Variants in GNPNAT1 observed in about 807,000 individuals in gnomAD.
The protein encoded by GNPNAT1 is glucosamine 6-phosphate N-acetyltransferase.
In GNPNAT1, 11 loss-of-function variants were observed where a neutral mutation model predicts 19.8. The ratio of observed to expected loss-of-function variants is 0.56; its 90% CI spans 0.35 to 0.92. The LOEUF is 0.92. GNPNAT1 is among the 40% of genes least tolerant of loss of function. The probability of loss-of-function intolerance (pLI) is 0.01; values close to 1 mark genes in which losing one functional copy is unlikely to be tolerated. For missense variants in GNPNAT1, 157 were observed against 211.0 expected, an observed-to-expected ratio of 0.74 and a Z score of 1.59; for synonymous variants, 71 against 72.3, an observed-to-expected ratio of 0.98 and a Z score of 0.09.
rs753211147 is a variant in GNPNAT1 at position 52,778,438 on chromosome 14, A to G, written c.428T>C (p.Leu143Ser). 1.2e-6 allele frequency: 2 copies of G among 1,607,694 alleles called. No individual in the cohort carries two copies. Among genetic ancestry groups the G allele is most frequent in the Admixed American group, 1.7e-5 (1 of 58,000 alleles). Residue 143 changes from leucine (L) to serine (S), a missense_variant, in exon 6 of 6, where the codon TTG becomes TCG. Coordinates refer to ENST00000216410, the MANE Select transcript of GNPNAT1 (RefSeq NM_198066.4). ...LGKLLLSTLT[L>S]LSKKLNCYKI... is the part of the protein sequence containing the mutation. ...GTAACAGTTCAGTTTCTTGCTTAGCAAAGTAAGGGTTGATAATAACCTGAA... is the reference window on the plus strand; with the variant it reads ...GTAACAGTTCAGTTTCTTGCTTAGCGAAGTAAGGGTTGATAATAACCTGAA...
intron 5 of GNPNAT1, among the ~76,000 whole-genome samples, chr14:52,779,724 T>TA (rs35906707): frequency 0.55 from 20,924 of 38,172 alleles, 8,065 homozygotes; most frequent in Middle Eastern, 0.84. Flanking sequence ...TCCCATCTCT[T>TA]AAAAAAAAAA....
intron 5 of GNPNAT1, among the ~76,000 whole-genome samples, chr14:52,779,638 T>C (rs780793858): frequency 1.2e-3 from 166 of 142,964 alleles, no homozygotes; most frequent in Non-Finnish European, 2.1e-3. Flanking sequence ...GAGGCTCACT[T>C]GAGCCCCAGA....
intron 1 of GNPNAT1, among the ~76,000 whole-genome samples, chr14:52,786,817 T>A (rs1027133545): frequency 6.7e-6 from 1 of 149,790 alleles, no homozygotes; most frequent in African/African-American, 2.4e-5. Context: ...GAGTATTCCT[T>A]ATCCAAAATG....
intron 2 of GNPNAT1, 149 bp downstream of exon 2, chr14:52,784,348 A>G: frequency 2.0e-6 from 1 of 491,478 alleles, no homozygotes; most frequent in Non-Finnish European, 3.4e-6. Context: ...ACACACACTC[A>G]TTGGTATTGA....
chr14:52,784,438 TA>T, intron 2 of GNPNAT1, 58 bp downstream of exon 2: 2 of 1,333,864 alleles, frequency 1.5e-6, no homozygotes, highest in Admixed American at 2.7e-5. Context: ...ATCTGCATCA[TA>T]ATGTTTAGAG....
rs757524061 is a variant in GNPNAT1, at chr14:52,778,455, T to G, written c.411A>C (p.Leu137Phe). ...ECRGKQLGKL[L>F]LSTLTLLSKK... is the part of the protein sequence containing the mutation. ...TGCTTAGCAAAGTAAGGGTTGATAA[T>G]AACCTGAAATTTAAAAAGGGGGTAG... Residue 137 changes from leucine to phenylalanine, a missense_variant, in exon 6 of 6, where the codon TTA (leucine) becomes TTC (phenylalanine). By Grantham distance (22) the Leu-to-Phe change is conservative. Transcript: ENST00000216410. 6.2e-7 allele frequency: 1 copy of G among 1,603,214 alleles called. No individual in the cohort carries two copies. The highest frequency in any genetic ancestry group is 1.8e-5 in the Admixed American group (1 of 56,576).
intron 1 of GNPNAT1, among the ~76,000 whole-genome samples, chr14:52,789,127 G>A (rs1250147361): frequency 6.6e-6 from 1 of 152,146 alleles, no homozygotes; most frequent in Admixed American, 6.6e-5. Context: ...GAGGCAACAG[G>A]GCCAGCTTCA....
intron 5 of GNPNAT1, among the ~76,000 whole-genome samples, chr14:52,779,746 A>AC (rs896327768): frequency 3.3e-5 from 5 of 151,090 alleles, no homozygotes; most frequent in Admixed American, 6.6e-5. Context: ...AAAAAAAAAA[A>AC]AAAACATAAA....
At chr14:52,779,632 C>T (rs1486576180) in intron 5 of GNPNAT1, among the ~76,000 whole-genome samples, 1 of 144,508 alleles carries the variant, frequency 6.9e-6, no homozygotes, top group Non-Finnish European at 1.5e-5. Context: ...AGGCGAGAGG[C>T]TCACTTGAGC....
At position 52,784,200 on chromosome 14, in the gene GNPNAT1, A is replaced by G. The variant is rs376007777; in HGVS notation, c.154+297T>C. Among the ~76,000 whole-genome samples, 11 of 152,354 alleles carry G rather than the reference A, an allele frequency of 7.2e-5. No homozygotes were observed. In the East Asian group the frequency reaches 2.1e-3, roughly 29 times the overall value. Reference sequence around the variant, plus strand: ...ACCTTCATTCCCCAACCAGCTTCTTAAGATCCCTCCTTATGTGTCATCATA... The same window carrying G: ...ACCTTCATTCCCCAACCAGCTTCTTGAGATCCCTCCTTATGTGTCATCATA... On this transcript the variant is annotated intron_variant, in intron 2 of 5. Transcript: ENST00000216410.
Position 52,783,443 on chromosome 14 carries a change from A to T in GNPNAT1, c.197T>A (p.Val66Asp), listed in dbSNP as rs1403559042. ...VLGQLTETGV[V>D]SPEQFMKSFE... ...CTTACTCATAAATTGTTCAGGGCTG[A>T]CAACTCCAGTCTCTGTTAGCTGACC... The change falls in exon 3 of 6, where the codon GTC becomes GAC. Residue 66 changes from valine to aspartate, a missense_variant. Coordinates refer to ENST00000216410, the MANE Select transcript of GNPNAT1 (RefSeq NM_198066.4). 1.2e-6 allele frequency: 2 copies of T among 1,610,396 alleles called. No homozygotes were observed. The highest frequency in any genetic ancestry group is 2.2e-5 in the South Asian group (2 of 90,886).
intron 1 of GNPNAT1, among the ~76,000 whole-genome samples, chr14:52,788,063 TG>T (rs1883064427): frequency 6.6e-6 from 1 of 152,134 alleles, no homozygotes; most frequent in Non-Finnish European, 1.5e-5. Context: ...GAAATTGTGA[TG>T]ATCAAGCAGT....
intron 3 of GNPNAT1, 144 bp downstream of exon 3, chr14:52,783,279 T>A (rs1882936212): frequency 3.5e-6 from 2 of 567,202 alleles, no homozygotes; most frequent in Admixed American, 7.2e-5. Flanking sequence ...TCAGCCACAT[T>A]AAACATTTGT....
At chr14:52,785,909 A>T (rs1164960257) in intron 1 of GNPNAT1, among the ~76,000 whole-genome samples, 1 of 150,588 alleles carries the variant, frequency 6.6e-6, no homozygotes, top group Non-Finnish European at 1.5e-5. Flanking sequence ...CACCACGCCC[A>T]GCTAGTTTTT....
intron 2 of GNPNAT1, 61 bp downstream of exon 2, chr14:52,784,436 C>A: frequency 2.3e-6 from 3 of 1,309,494 alleles, no homozygotes; most frequent in Non-Finnish European, 3.1e-6. Flanking sequence ...TTATCTGCAT[C>A]ATAATGTTTA....
rs1882751265 is a variant in GNPNAT1, at chr14:52,777,081, A to C, written c.*1230T>G. On this transcript the variant is annotated 3_prime_UTR_variant, in exon 6 of 6. Transcript: ENST00000216410. ...AAGCCAACTATAGCTGGCTGCATGG[A>C]GGGAAATCCAAAATCCAGATGACGT... 6.6e-6 allele frequency: 1 copy of C among 152,290 alleles called. No individual in the cohort carries two copies. The highest frequency in any genetic ancestry group is 6.5e-5 in the Admixed American group (1 of 15,286). 9.4% of individuals were successfully genotyped at this position (152,290 alleles called of 1,614,324 possible). A position where few individuals can be genotyped will look rare whatever the true frequency, so the allele number is the denominator to read the frequency against.
intron 1 of GNPNAT1, among the ~76,000 whole-genome samples, chr14:52,786,059 CTTTT>C (rs139721043): frequency 7.5e-6 from 1 of 133,546 alleles, no homozygotes; most frequent in Admixed American, 7.5e-5. Context: ...CCACATGTAG[CTTTT>C]TTTTTTTTTT....
chr14:52,786,644 G>A (rs545884057), intron 1 of GNPNAT1, among the ~76,000 whole-genome samples: 1 of 152,106 alleles, frequency 6.6e-6, no homozygotes, highest in African/African-American at 2.4e-5. Context: ...AAATGAGCAG[G>A]TTCTCACTAG....
chr14:52,784,364 C>T, intron 2 of GNPNAT1, 133 bp downstream of exon 2: 1 of 552,158 alleles, frequency 1.8e-6, no homozygotes, highest in Non-Finnish European at 2.9e-6. Flanking sequence ...ATTGAGTGTC[C>T]ATCACTTTAA....
Sources: gnomAD v4.1 joint callset for allele counts (sites outside exome capture counted in the v4.1 genomes callset) on GRCh38, gnomAD v4.1.1 for gene constraint, MANE v1.5 for transcripts, NCBI Gene and HGNC (gene_info 2026-07-23, HGNC 2026-07-21) for gene names.